Variants in SNAPC1 observed in about 807,000 individuals in gnomAD.
The protein encoded by SNAPC1 is small nuclear RNA activating complex polypeptide 1.
SNAPC1 carries 42 observed loss-of-function variants against 50.1 expected under a neutral mutation model. That is an observed-to-expected ratio of 0.84 (90% CI 0.65 to 1.08). The LOEUF (loss-of-function observed/expected upper bound fraction) is 1.08. SNAPC1 is among the 50% of genes least tolerant of loss of function. The pLI is 0.00. For synonymous variants in SNAPC1, 164 were observed against 144.2 expected (o/e 1.14, Z -0.98); for missense variants, 477 against 427.3 (o/e 1.12, Z -1.02).
chr14:61,794,799 G>A, intron 9 of SNAPC1, 150 bp from the exon 10 acceptor site: 2 of 651,134 alleles, frequency 3.1e-6, no homozygotes, highest in South Asian at 1.7e-5. Context: ...TTGCTGTGAG[G>A]GCATTCTTAT....
chr14:61,783,527 G>GTTTTTTTTTTT (rs1566591960), intron 8 of SNAPC1, among the ~76,000 whole-genome samples: 1 of 127,154 alleles, frequency 7.9e-6, no homozygotes, highest in African/African-American at 3.1e-5. Flanking sequence ...AGTTTGGTTT[G>GTTTTTTTTTTT]GTTTTTTTTT....
intron 1 of SNAPC1, among the ~76,000 whole-genome samples, chr14:61,765,536 A>G (rs966714757): frequency 1.3e-5 from 2 of 152,214 alleles, no homozygotes; most frequent in Non-Finnish European, 2.9e-5. Context: ...GGGAGCTTTC[A>G]GGTCACAGAT....
intron 9 of SNAPC1, among the ~76,000 whole-genome samples, chr14:61,793,749 C>T (rs1473430561): frequency 2.0e-5 from 3 of 151,348 alleles, no homozygotes; most frequent in East Asian, 3.9e-4. Context: ...CACCATCTCC[C>T]AGGTTCACGC....
At chr14:61,770,362 C>A (rs2044979167) in intron 4 of SNAPC1, among the ~76,000 whole-genome samples, 1 of 151,784 alleles carries the variant, frequency 6.6e-6, no homozygotes. Context: ...TGTGTCTCAA[C>A]CCACTGAGTA....
intron 3 of SNAPC1, 43 bp from the exon 4 acceptor site, chr14:61,768,593 G>C (rs2140175131): frequency 1.9e-6 from 2 of 1,040,110 alleles, no homozygotes; most frequent in East Asian, 2.4e-5. Flanking sequence ...TAACAATACT[G>C]TTTAAAAGAT....
chr14:61,784,150 C>T (rs1282106578), intron 8 of SNAPC1, among the ~76,000 whole-genome samples: 1 of 152,072 alleles, frequency 6.6e-6, no homozygotes, highest in African/African-American at 2.4e-5. Flanking sequence ...GAGGAGATAC[C>T]ATATTTGTTA....
chr14:61,775,973 T>A (rs1441734960), intron 4 of SNAPC1, 122 bp from the exon 5 acceptor site: 1 of 643,510 alleles, frequency 1.6e-6, no homozygotes, highest in East Asian at 2.9e-5. Context: ...TTTAATATAC[T>A]ATAGCATGTT....
intron 8 of SNAPC1, among the ~76,000 whole-genome samples, chr14:61,788,050 A>G (rs77126813): frequency 0.013 from 1,739 of 138,484 alleles, 24 homozygotes; most frequent in Middle Eastern, 0.027. Context: ...GACAGTTATA[A>G]TTTATGATCA....
At chr14:61,783,084 A>T (rs1336045075) in intron 8 of SNAPC1, among the ~76,000 whole-genome samples, 2 of 132,930 alleles carry the variant, frequency 1.5e-5, no homozygotes, top group East Asian at 4.5e-4. Context: ...GTGCAATGGC[A>T]CGATCTTGGC....
At position 61,762,449 on chromosome 14, in the gene SNAPC1, G is replaced by T. The variant is rs771209146; in HGVS notation, c.-12G>T. 14 of 1,611,544 alleles carry T rather than the reference G, an allele frequency of 8.7e-6. 1 individual carries two copies. The East Asian group carries it at 2.7e-4, about 31-fold the overall frequency. ...GCGTGCGGGCTTCGGAGGCGTGCGG[G>T]CTTCGGGTGCCATGGGGACTCCTCC... On this transcript the variant is annotated 5_prime_UTR_variant, in exon 1 of 10. Coordinates refer to ENST00000216294, the MANE Select transcript of SNAPC1 (RefSeq NM_003082.4).
chr14:61,786,254 T>G (rs779472487), intron 8 of SNAPC1, among the ~76,000 whole-genome samples: 3 of 150,850 alleles, frequency 2.0e-5, no homozygotes, highest in Non-Finnish European at 4.4e-5. Context: ...TTTAAATACA[T>G]GACACAATAA....
chr14:61,786,134 CA>C (rs561724987), intron 8 of SNAPC1, among the ~76,000 whole-genome samples: 2 of 150,726 alleles, frequency 1.3e-5, no homozygotes, highest in Admixed American at 1.3e-4. Flanking sequence ...TTATCTTATC[CA>C]AAAAAAAATT....
intron 1 of SNAPC1, among the ~76,000 whole-genome samples, chr14:61,764,596 G>C (rs1253056140): frequency 6.6e-6 from 1 of 152,210 alleles, no homozygotes; most frequent in African/African-American, 2.4e-5. Context: ...TACAAAGATA[G>C]TGGATTGTAG....
At position 61,768,876 on chromosome 14, in the gene SNAPC1, G is replaced by A. The variant is rs983501050; in HGVS notation, c.534+136G>A. 4 of 531,484 alleles carry A rather than the reference G, an allele frequency of 7.5e-6. No individual in the cohort carries two copies. The Admixed American group carries it at 1.3e-4, about 17-fold the overall frequency. 32.9% of individuals were successfully genotyped at this position (531,484 alleles called of 1,614,324 possible). A position where few individuals can be genotyped will look rare whatever the true frequency, so the allele number is the denominator to read the frequency against. Reference sequence around the variant, plus strand: ...CACTCTAGGATGCTATTTCTCTAGAGTATCAGACATAAAATAGCCTAAATA... The same window carrying A: ...CACTCTAGGATGCTATTTCTCTAGAATATCAGACATAAAATAGCCTAAATA... On this transcript the variant is annotated intron_variant, in intron 4 of 9. Coordinates refer to ENST00000216294, the MANE Select transcript of SNAPC1 (RefSeq NM_003082.4).
intron 8 of SNAPC1, among the ~76,000 whole-genome samples, chr14:61,782,941 AT>A (rs1212226976): frequency 6.6e-6 from 1 of 152,024 alleles, no homozygotes; most frequent in Non-Finnish European, 1.5e-5. Flanking sequence ...GCCTATACAG[AT>A]TAAATAACTT....
At chr14:61,771,671 A>G (rs545565323) in intron 4 of SNAPC1, among the ~76,000 whole-genome samples, 6 of 152,274 alleles carry the variant, frequency 3.9e-5, no homozygotes, top group Admixed American at 3.3e-4. Flanking sequence ...AGCTAGTTAG[A>G]GGGAATGGTT....
intron 4 of SNAPC1, among the ~76,000 whole-genome samples, chr14:61,775,525 A>G (rs1266777504): frequency 2.0e-5 from 3 of 152,096 alleles, no homozygotes; most frequent in Non-Finnish European, 4.4e-5. Flanking sequence ...AAGTGCTGGG[A>G]TTATAGGTGT....
rs1031652904 is a variant in SNAPC1, at chr14:61,777,020, GA to G, written c.693+775del. 1.7e-3 allele frequency among the ~76,000 whole-genome samples: 251 copies of G among 151,970 alleles called. 1 individual carries two copies. Among genetic ancestry groups the G allele is most frequent in the Non-Finnish European group, 1.5e-3 (100 of 67,944 alleles). ...CTCCATCTTATTTTAGTAAATCTAG[GA>G]AAAAAAATTTTTTTAAAGTAAGCAA... On this transcript the variant is annotated intron_variant, in intron 5 of 9. Transcript: ENST00000216294.
Position 61,795,393 on chromosome 14 carries a change from A to G in SNAPC1, c.*410A>G, listed in dbSNP as rs2045182112. ...ATAACTATTTTGTATCTACAGTCGG[A>G]TAATGGATTTTTTATTTTGTATATT... On this transcript the variant is annotated 3_prime_UTR_variant, in exon 10 of 10. Transcript: ENST00000216294. The G allele has an allele frequency of 6.5e-6, 1 of 152,704 alleles. No homozygotes were observed. The highest frequency in any genetic ancestry group is 1.5e-5 in the Non-Finnish European group (1 of 68,236). The allele number at this position is 152,704 out of a possible 1,614,324, so 9.5% of individuals were successfully genotyped here.
Sources: allele counts gnomAD v4.1 joint callset (sites outside exome capture counted in the v4.1 genomes callset), GRCh38; gene constraint gnomAD v4.1.1; transcripts MANE v1.5; gene names NCBI Gene and HGNC (gene_info 2026-07-23, HGNC 2026-07-21).